Variants in CNTN4 observed in about 807,000 individuals in gnomAD.
CNTN4 encodes the protein contactin 4, also known as contactin-4.
CNTN4 carries 77 observed loss-of-function variants against 122.5 expected under a neutral mutation model. The ratio of observed to expected loss-of-function variants is 0.63; its 90% CI spans 0.52 to 0.76. CNTN4 has a LOEUF of 0.76. CNTN4 is among the 30% of genes least tolerant of loss of function. The pLI is 0.00. For missense variants in CNTN4, 1,256 were observed against 1,259.1 expected (o/e 1.00, Z 0.04); for synonymous variants, 512 against 447.0 (o/e 1.15, Z -1.83).
chr3:2,595,629 G>T (rs1414666615), intron 4 of CNTN4, among the ~76,000 whole-genome samples: 1 of 152,176 alleles, frequency 6.6e-6, no homozygotes, highest in Non-Finnish European at 1.5e-5. Context: ...GGATACTAAA[G>T]TATCCCTTGT....
intron 5 of CNTN4, among the ~76,000 whole-genome samples, chr3:2,738,695 A>T (rs114376055): frequency 2.0e-5 from 3 of 152,188 alleles, no homozygotes; most frequent in Non-Finnish European, 2.9e-5. Flanking sequence ...GTACTAGACA[A>T]TGGATTGTCT....
chr3:2,330,648 G>A (rs968052439), intron 2 of CNTN4, among the ~76,000 whole-genome samples: 4 of 152,120 alleles, frequency 2.6e-5, no homozygotes, highest in African/African-American at 9.7e-5. Flanking sequence ...TAAGTAATTT[G>A]TGGAAGGTCA....
chr3:2,675,057 A>T (rs938321412), intron 4 of CNTN4, among the ~76,000 whole-genome samples: 1 of 152,226 alleles, frequency 6.6e-6, no homozygotes, highest in African/African-American at 2.4e-5. Flanking sequence ...AAATGGAATT[A>T]TGTGAAGTAA....
intron 4 of CNTN4, among the ~76,000 whole-genome samples, chr3:2,645,262 C>T (rs2083069325): frequency 6.6e-6 from 1 of 152,016 alleles, no homozygotes; most frequent in Admixed American, 6.6e-5. Context: ...TTCTAGAAAC[C>T]TGATAATACC....
In CNTN4 at chr3:2,207,129, T is replaced by C. The variant is rs565419488; in HGVS notation, c.-145+106490T>C. 4.6e-5 allele frequency among the ~76,000 whole-genome samples: 7 copies of C among 152,196 alleles called. No individual in the cohort carries two copies. In the South Asian group the frequency reaches 8.3e-4, roughly 18 times the overall value. On this transcript the variant is annotated intron_variant, in intron 2 of 24. Transcript: ENST00000418658. ...AACTCATAAAAGATGGTGAACTTAA[T>C]TGATAAGTGTAGAGTGTGTTCTGAC...
At chr3:2,707,125 C>T (rs1360649778) in intron 4 of CNTN4, among the ~76,000 whole-genome samples, 1 of 151,652 alleles carries the variant, frequency 6.6e-6, no homozygotes, top group African/African-American at 2.4e-5. Flanking sequence ...CATGGTGAAA[C>T]TCCATCTCTA....
At chr3:3,044,027 C>T (rs539498383) in intron 23 of CNTN4, among the ~76,000 whole-genome samples, 3 of 152,100 alleles carry the variant, frequency 2.0e-5, no homozygotes, top group Non-Finnish European at 4.4e-5. Flanking sequence ...GCTCCTGTCT[C>T]GGTTTATATA....
intron 3 of CNTN4, among the ~76,000 whole-genome samples, chr3:2,503,500 T>C (rs1299789966): frequency 1.3e-5 from 2 of 152,174 alleles, no homozygotes; most frequent in Non-Finnish European, 2.9e-5. Context: ...ATTTAGCTCA[T>C]TTAATTCCCA....
intron 2 of CNTN4, among the ~76,000 whole-genome samples, chr3:2,239,321 GATTA>G (rs2039833344): frequency 6.6e-6 from 1 of 152,186 alleles, no homozygotes; most frequent in African/African-American, 2.4e-5. Context: ...ATTTAAGAAA[GATTA>G]ATTAATGAGT....
intron 8 of CNTN4, among the ~76,000 whole-genome samples, chr3:2,868,362 C>T (rs905773244): frequency 1.3e-5 from 2 of 152,142 alleles, no homozygotes; most frequent in Admixed American, 6.6e-5. Context: ...TATCTTAAAC[C>T]CTCACAGTGC....
chr3:2,750,479 C>G (rs1187176469), intron 6 of CNTN4, among the ~76,000 whole-genome samples: 1 of 152,168 alleles, frequency 6.6e-6, no homozygotes, highest in Non-Finnish European at 1.5e-5. Context: ...CCACTAAGAA[C>G]TTGCTCTTCC....
intron 3 of CNTN4, among the ~76,000 whole-genome samples, chr3:2,451,702 G>T (rs759995447): frequency 6.6e-6 from 1 of 152,018 alleles, no homozygotes; most frequent in Non-Finnish European, 1.5e-5. Flanking sequence ...TATTTCTTGA[G>T]TTTTTTGCGC....
chr3:2,519,540 C>T (rs997133426), intron 3 of CNTN4, among the ~76,000 whole-genome samples: 4 of 152,104 alleles, frequency 2.6e-5, no homozygotes, highest in African/African-American at 9.7e-5. Flanking sequence ...TTCTGTACCA[C>T]GAAGCTAGAA....
chr3:2,616,374 A>ATCATTGTTGGTCATTCAGGTTAGTT (rs1245218768), intron 4 of CNTN4, among the ~76,000 whole-genome samples: 1 of 152,000 alleles, frequency 6.6e-6, no homozygotes, highest in African/African-American at 2.4e-5. Context: ...TTTCCAGTCT[A>ATCATTGTTGGTCATTCAGGTTAGTT]TCATTGTTGG....
intron 4 of CNTN4, among the ~76,000 whole-genome samples, chr3:2,587,401 A>G (rs1426451317): frequency 6.6e-6 from 1 of 152,198 alleles, no homozygotes; most frequent in Non-Finnish European, 1.5e-5. Flanking sequence ...CTGATAAGAC[A>G]GGCAAATATT....
At chr3:2,284,847 G>C (rs1027039360) in intron 2 of CNTN4, among the ~76,000 whole-genome samples, 1 of 151,624 alleles carries the variant, frequency 6.6e-6, no homozygotes, top group South Asian at 2.1e-4. Context: ...TGATGTGGTA[G>C]CATAAATATA....
At chr3:2,234,873 T>C (rs1369030654) in intron 2 of CNTN4, among the ~76,000 whole-genome samples, 1 of 152,202 alleles carries the variant, frequency 6.6e-6, no homozygotes, top group African/African-American at 2.4e-5. Flanking sequence ...TCACAAAAGA[T>C]TCAAGTTTAT....
At chr3:2,412,004 G>T (rs1312750407) in intron 3 of CNTN4, among the ~76,000 whole-genome samples, 1 of 152,008 alleles carries the variant, frequency 6.6e-6, no homozygotes, top group African/African-American at 2.4e-5. Flanking sequence ...GAGGTAATTT[G>T]TCTTCTGACT....
intron 4 of CNTN4, among the ~76,000 whole-genome samples, chr3:2,671,489 A>T (rs1035691138): frequency 6.6e-6 from 1 of 152,032 alleles, no homozygotes; most frequent in Non-Finnish European, 1.5e-5. Context: ...TTAGCCATTC[A>T]TGTAATCTTT....
Sources: gnomAD v4.1 joint callset for allele counts (sites outside exome capture counted in the v4.1 genomes callset) on GRCh38, gnomAD v4.1.1 for gene constraint, MANE v1.5 for transcripts, NCBI Gene and HGNC (gene_info 2026-07-23, HGNC 2026-07-21) for gene names.